HBS1L: variants seen among roughly 807,000 people sequenced by gnomAD.
HBS1L encodes the protein HBS1-like protein.
HBS1L carries 55 observed loss-of-function variants against 88.9 expected under a neutral mutation model. That is an observed-to-expected ratio of 0.62 (90% CI 0.50 to 0.77). The LOEUF (loss-of-function observed/expected upper bound fraction) is 0.77, where lower values mean the gene tolerates loss of function less well. HBS1L is among the 30% of genes least tolerant of loss of function. HBS1L has a pLI of 0.00. For missense variants in HBS1L, 741 were observed against 829.3 expected, an observed-to-expected ratio of 0.89 and a Z score of 1.31; for synonymous variants, 267 against 288.5, an observed-to-expected ratio of 0.93 and a Z score of 0.76.
intron 7 of HBS1L, among the ~76,000 whole-genome samples, chr6:134,994,367 T>C (rs1437678989): frequency 6.6e-6 from 1 of 152,130 alleles, no homozygotes; most frequent in Non-Finnish European, 1.5e-5. Flanking sequence ...TCAAAGCAGA[T>C]GCCTAATTTT....
intron 2 of HBS1L, among the ~76,000 whole-genome samples, chr6:135,042,886 T>C (rs59792276): frequency 0.035 from 5,383 of 151,818 alleles, 333 homozygotes; most frequent in African/African-American, 0.12. Flanking sequence ...ATCTAAGAGT[T>C]CACGGAAAAT....
chr6:135,013,462 A>G (rs1014021), intron 4 of HBS1L, among the ~76,000 whole-genome samples: 80,486 of 152,026 alleles, frequency 0.53, 21,467 homozygotes, highest in African/African-American at 0.58. Flanking sequence ...GAGACATAAG[A>G]TTAGAAAAGC....
chr6:135,052,905 T>C (rs1203287778), intron 1 of HBS1L, among the ~76,000 whole-genome samples: 14 of 152,222 alleles, frequency 9.2e-5, no homozygotes, highest in Non-Finnish European at 1.6e-4. Context: ...ACACAAACTC[T>C]CTCTAATGAG....
chr6:134,963,809 C>T lies in HBS1L; in HGVS notation c.*1470G>A, dbSNP rs1306977889. 6.6e-6 allele frequency: 1 copy of T among 151,952 alleles called. No homozygotes were observed. The highest frequency in any genetic ancestry group is 1.5e-5 in the Non-Finnish European group (1 of 68,010). The allele number at this position is 151,952 out of a possible 1,614,324, so 9.4% of individuals were successfully genotyped here. ...CCTTGCTAACATTGTGTGAGCTGCT[C>T]GATCTAAATGGAATCAAAGCTAGAG... On this transcript the variant is annotated 3_prime_UTR_variant, in exon 18 of 18. Transcript: ENST00000367837.
At chr6:135,030,654 G>A (rs924569246) in intron 4 of HBS1L, among the ~76,000 whole-genome samples, 3 of 151,298 alleles carry the variant, frequency 2.0e-5, no homozygotes, top group Non-Finnish European at 4.4e-5. Context: ...GCCTTTAAGA[G>A]GAAAAGTAAC....
intron 13 of HBS1L, among the ~76,000 whole-genome samples, chr6:134,980,328 T>C (rs1232019075): frequency 6.6e-6 from 1 of 151,990 alleles, no homozygotes; most frequent in Non-Finnish European, 1.5e-5. Context: ...TGTGCACATC[T>C]GCATTAATCT....
intron 4 of HBS1L, among the ~76,000 whole-genome samples, chr6:135,005,337 C>T (rs1775580595): frequency 3.9e-5 from 6 of 152,116 alleles, no homozygotes; most frequent in Admixed American, 3.3e-4. Flanking sequence ...TGATATGAGG[C>T]TATTTATCGA....
intron 17 of HBS1L, 46 bp downstream of exon 17, chr6:134,966,283 G>A: frequency 6.7e-7 from 1 of 1,488,856 alleles, no homozygotes; most frequent in Non-Finnish European, 9.1e-7. Flanking sequence ...AAAAGAAAAG[G>A]CATCATAACT....
At chr6:134,998,570 T>C (rs867378837) in intron 5 of HBS1L, among the ~76,000 whole-genome samples, 4 of 152,244 alleles carry the variant, frequency 2.6e-5, no homozygotes, top group Admixed American at 6.5e-5. Context: ...CAACTCTATG[T>C]GGAGCTGGCA....
chr6:134,987,819 AAAT>A, intron 8 of HBS1L, 28 bp from the exon 9 acceptor site: 1 of 1,546,004 alleles, frequency 6.5e-7, no homozygotes, highest in South Asian at 1.2e-5. Flanking sequence ...TCGAAGCCAG[AAAT>A]AATGTTTCAG....
intron 4 of HBS1L, among the ~76,000 whole-genome samples, chr6:135,026,036 T>C (rs73774540): frequency 0.042 from 6,418 of 152,140 alleles, 431 homozygotes; most frequent in African/African-American, 0.14. Flanking sequence ...AGCTGCAAAG[T>C]CCTCCAGGAA....
At chr6:135,017,989 AAAC>A (rs1454975016) in intron 4 of HBS1L, among the ~76,000 whole-genome samples, 78 of 114,220 alleles carry the variant, frequency 6.8e-4, no homozygotes, top group African/African-American at 2.1e-3. Context: ...ACAAACAAAC[AAAC>A]AAAAAAAAAA....
At chr6:135,013,277 G>T (rs763952695) in intron 4 of HBS1L, among the ~76,000 whole-genome samples, 1 of 152,202 alleles carries the variant, frequency 6.6e-6, no homozygotes, top group Non-Finnish European at 1.5e-5. Flanking sequence ...CACACAGTCC[G>T]TGGGTCTCTG....
At chr6:135,019,358 A>G (rs1253632398) in intron 4 of HBS1L, among the ~76,000 whole-genome samples, 3 of 151,996 alleles carry the variant, frequency 2.0e-5, no homozygotes, top group Non-Finnish European at 4.4e-5. Flanking sequence ...AGAAATAAAA[A>G]TTTCATAGTA....
intron 16 of HBS1L, among the ~76,000 whole-genome samples, chr6:134,966,938 T>C (rs1774333795): frequency 6.8e-6 from 1 of 147,448 alleles, no homozygotes; most frequent in African/African-American, 2.7e-5. Flanking sequence ...ATTAGGAAGT[T>C]ATCTGTGAAG....
intron 8 of HBS1L, among the ~76,000 whole-genome samples, chr6:134,991,727 A>G (rs976486025): frequency 6.6e-6 from 1 of 152,098 alleles, no homozygotes; most frequent in Non-Finnish European, 1.5e-5. Context: ...CAAATATATT[A>G]TAATGTATTC....
chr6:135,038,569 A>G (rs1776629772), intron 4 of HBS1L, among the ~76,000 whole-genome samples: 1 of 152,178 alleles, frequency 6.6e-6, no homozygotes, highest in African/African-American at 2.4e-5. Context: ...ACACACTCTT[A>G]TTTCATGGTA....
chr6:134,988,950 C>T (rs1010802978), intron 8 of HBS1L, among the ~76,000 whole-genome samples: 1 of 152,148 alleles, frequency 6.6e-6, no homozygotes, highest in Non-Finnish European at 1.5e-5. Context: ...AAAAAAAAGC[C>T]TTGTATAACA....
At chr6:135,034,585 A>G (rs7748274) in intron 4 of HBS1L, among the ~76,000 whole-genome samples, 79,563 of 152,088 alleles carry the variant, frequency 0.52, 20,943 homozygotes, top group South Asian at 0.56. Context: ...CGGAGGTTGC[A>G]GTGAGCCGAG....
Sources: gnomAD v4.1 joint callset for allele counts (sites outside exome capture counted in the v4.1 genomes callset) on GRCh38, gnomAD v4.1.1 for gene constraint, MANE v1.5 for transcripts, NCBI Gene and HGNC (gene_info 2026-07-23, HGNC 2026-07-21) for gene names.